Variants in ZMYM4 observed in about 807,000 individuals in gnomAD.
The protein encoded by ZMYM4 is zinc finger MYM-type containing 4.
A neutral mutation model predicts 183.2 loss-of-function variants in ZMYM4; 31 were observed. That is an observed-to-expected ratio of 0.17 (90% CI 0.13 to 0.23). The LOEUF is 0.23. Ranked by LOEUF, ZMYM4 falls within the 10% of genes least tolerant of loss-of-function variation. The pLI is 1.00. For missense variants in ZMYM4, 1,273 were observed against 1,840.3 expected (o/e 0.69, Z 5.64); for synonymous variants, 592 against 631.2 (o/e 0.94, Z 0.93).
intron 29 of ZMYM4, 50 bp downstream of exon 29, chr1:35,418,622 A>G (rs1409976223): frequency 1.9e-6 from 3 of 1,599,704 alleles, no homozygotes; most frequent in South Asian, 2.3e-5. Flanking sequence ...CAGTTAACAT[A>G]TTTTGGATTT....
chr1:35,338,789 T>TA (rs1432869691), intron 2 of ZMYM4, among the ~76,000 whole-genome samples: 1 of 152,254 alleles, frequency 6.6e-6, no homozygotes, highest in East Asian at 1.9e-4. Flanking sequence ...ACGTTAAATC[T>TA]ATTACCCACT....
At chr1:35,276,771 C>T (rs1639899605) in intron 1 of ZMYM4, among the ~76,000 whole-genome samples, 1 of 152,072 alleles carries the variant, frequency 6.6e-6, no homozygotes, top group Non-Finnish European at 1.5e-5. Flanking sequence ...CCAGCCTTGG[C>T]TTATTTTGTG....
At chr1:35,412,217 G>T (rs1197308911) in intron 26 of ZMYM4, among the ~76,000 whole-genome samples, 4 of 152,026 alleles carry the variant, frequency 2.6e-5, no homozygotes, top group African/African-American at 9.7e-5. Flanking sequence ...TTCATTGCTA[G>T]CTTGAAATAC....
chr1:35,398,737 T>C, intron 21 of ZMYM4, 127 bp from the exon 22 acceptor site: 1 of 945,008 alleles, frequency 1.1e-6, no homozygotes, highest in South Asian at 1.8e-5. Context: ...CATTCTTGAG[T>C]GTACCTAGGT....
chr1:35,386,160 T>A lies in ZMYM4; in HGVS notation c.1807T>A (p.Cys603Ser). 6.2e-7 allele frequency: 1 copy of A among 1,613,928 alleles called. No individual in the cohort carries two copies. The highest frequency in any genetic ancestry group is 8.5e-7 in the Non-Finnish European group (1 of 1,179,892). Residue 603 changes from cysteine to serine, a missense_variant, in exon 11 of 30, where the codon TGC becomes AGC. Cys to Ser is a moderately radical substitution (Grantham distance 112). Coordinates refer to ENST00000314607, the MANE Select transcript of ZMYM4 (RefSeq NM_005095.3). ...AMSDGSIRNF[C>S]SYSCVVAFQN... ...GTCAGATGGAAGTATACGCAACTTC[T>A]GCAGCTACAGCTGTGTGGTAGCTTT...
chr1:35,412,167 C>T (rs1639940237), intron 26 of ZMYM4, among the ~76,000 whole-genome samples: 1 of 151,476 alleles, frequency 6.6e-6, no homozygotes, highest in South Asian at 2.1e-4. Context: ...GCATGAGCCA[C>T]CGCACCTGGC....
Position 35,415,384 on chromosome 1 carries a change from C to T in ZMYM4, c.4061-82C>T, listed in dbSNP as rs1640074500. 3.9e-6 allele frequency: 6 copies of T among 1,553,598 alleles called. No individual in the cohort carries two copies. In the South Asian group the frequency reaches 7.2e-5, roughly 19 times the overall value. ...ATAGTCAGTTTTTCTCTTTATATCT[C>T]CCTGTCTTAGAATTTGAGAGATTAC... On this transcript the variant is annotated intron_variant, in intron 27 of 29. Transcript: ENST00000314607.
intron 1 of ZMYM4, among the ~76,000 whole-genome samples, chr1:35,297,586 A>G (rs907245290): frequency 6.6e-6 from 1 of 152,158 alleles, no homozygotes; most frequent in Admixed American, 6.5e-5. Context: ...TATTTTCATC[A>G]GAAATGCAGA....
Position 35,408,264 on chromosome 1 carries a change from A to G in ZMYM4, c.3948+105A>G, listed in dbSNP as rs1352230062. ...TGTACACACCCAGATATATACTGGT[A>G]TTTTCATTGGAACATTGTTTTTAAC... On this transcript the variant is annotated intron_variant, in intron 26 of 29. Transcript: ENST00000314607. 3 of 1,323,744 alleles carry G rather than the reference A, an allele frequency of 2.3e-6. No individual in the cohort carries two copies. In the Admixed American group the frequency reaches 7.3e-5, roughly 32 times the overall value. The allele number at this position is 1,323,744 out of a possible 1,614,324, so 82.0% of individuals were successfully genotyped here.
rs1281421521 is a variant in ZMYM4 at position 35,420,741 on chromosome 1, C to G, written c.*1064C>G. The G allele has an allele frequency of 6.6e-6, 1 of 152,588 alleles. No individual in the cohort carries two copies. The highest frequency in any genetic ancestry group is 6.5e-5 in the Admixed American group (1 of 15,276). 9.5% of individuals were successfully genotyped at this position (152,588 alleles called of 1,614,324 possible). A position where few individuals can be genotyped will look rare whatever the true frequency, so the allele number is the denominator to read the frequency against. On this transcript the variant is annotated 3_prime_UTR_variant, in exon 30 of 30. Coordinates refer to ENST00000314607, the MANE Select transcript of ZMYM4 (RefSeq NM_005095.3). ...TCCACAAAGATACAGTATTACTTAGCTATCTGAATTATGATAGAAAAGGTC... is the reference window on the plus strand; with the variant it reads ...TCCACAAAGATACAGTATTACTTAGGTATCTGAATTATGATAGAAAAGGTC...
intron 1 of ZMYM4, among the ~76,000 whole-genome samples, chr1:35,281,863 C>A (rs1049883040): frequency 2.6e-5 from 4 of 152,124 alleles, no homozygotes; most frequent in African/African-American, 9.7e-5. Flanking sequence ...CTTTCTGTGT[C>A]TATGAAGTTG....
chr1:35,418,060 A>G (rs929624569), intron 28 of ZMYM4, among the ~76,000 whole-genome samples: 1 of 152,132 alleles, frequency 6.6e-6, no homozygotes, highest in African/African-American at 2.4e-5. Flanking sequence ...CTGTAGGAGA[A>G]AAACATGTGG....
chr1:35,410,105 A>G (rs982104199), intron 26 of ZMYM4, among the ~76,000 whole-genome samples: 5 of 152,150 alleles, frequency 3.3e-5, no homozygotes, highest in African/African-American at 1.2e-4. Context: ...TCATGGCAAG[A>G]GAGTGAGGAC....
rs1472257531 is a variant in ZMYM4 at position 35,303,102 on chromosome 1, A to C, written c.40-22258A>C. Among the ~76,000 whole-genome samples the C allele has an allele frequency of 3.3e-5, 5 of 151,524 alleles. No individual in the cohort carries two copies. In the East Asian group the frequency reaches 7.8e-4, roughly 24 times the overall value. ...CCAACCTGGGAAACCTGGCAAAAAA[A>C]AAAAAACAAAAAAACCTTGTCTTTG... On this transcript the variant is annotated intron_variant, in intron 1 of 29. Coordinates refer to ENST00000314607, the MANE Select transcript of ZMYM4 (RefSeq NM_005095.3).
chr1:35,324,176 C>G (rs1642410529), intron 1 of ZMYM4, among the ~76,000 whole-genome samples: 1 of 151,442 alleles, frequency 6.6e-6, no homozygotes, highest in Non-Finnish European at 1.5e-5. Context: ...TTTCTGTTAT[C>G]CCTTTCACCA....
At chr1:35,346,544 A>T (rs1197520309) in intron 2 of ZMYM4, among the ~76,000 whole-genome samples, 2 of 148,988 alleles carry the variant, frequency 1.3e-5, no homozygotes, top group African/African-American at 5.0e-5. Flanking sequence ...CCAGCTACTG[A>T]GGGAGCTGAG....
At position 35,361,798 on chromosome 1, in the gene ZMYM4, T is replaced by A; in HGVS notation, c.840+9T>A. 1 of 1,593,268 alleles carries A rather than the reference T, an allele frequency of 6.3e-7. No homozygotes were observed. The highest frequency in any genetic ancestry group is 1.4e-5 in the African/African-American group (1 of 73,590). ...AACCTGACAATGCTCAAGTAAACAT[T>A]TCACCTTTTTTCCCCCCTTCTTTTT... On this transcript the variant is annotated intron_variant, in intron 5 of 29. Coordinates refer to ENST00000314607, the MANE Select transcript of ZMYM4 (RefSeq NM_005095.3).
chr1:35,418,600 G>C, intron 29 of ZMYM4, 28 bp downstream of exon 29: 1 of 1,610,260 alleles, frequency 6.2e-7, no homozygotes, highest in Non-Finnish European at 8.5e-7. Flanking sequence ...TGAATGTAGT[G>C]CACTCAGAAG....
rs1644723617 is a variant in ZMYM4, at chr1:35,392,288, T to G, written c.2664T>G (p.Asn888Lys). Residue 888 changes from asparagine to lysine, a missense_variant, in exon 16 of 30, where the codon AAT becomes AAG. By Grantham distance (94) the Asn-to-Lys change is moderately conservative. This residue lies in a region of ZMYM4 where 290 missense variants were observed against 353.3 expected (regional missense o/e 0.82). Transcript: ENST00000314607. Reference sequence around the variant, plus strand: ...AAGATTCGACTCCAGTTATAGCCAATGTAGTATCATTGGCAAGTGCCCCTG... The same window carrying G: ...AAGATTCGACTCCAGTTATAGCCAAGGTAGTATCATTGGCAAGTGCCCCTG... ...LRKDSTPVIA[N>K]VVSLASAPAA... 2 of 1,614,210 alleles carry G rather than the reference T, an allele frequency of 1.2e-6. No homozygotes were observed. The highest frequency in any genetic ancestry group is 1.7e-6 in the Non-Finnish European group (2 of 1,180,036).
Sources: allele counts gnomAD v4.1 joint callset (sites outside exome capture counted in the v4.1 genomes callset), GRCh38; gene constraint gnomAD v4.1.1; regional missense constraint gnomAD v4.1.1; transcripts MANE v1.5; gene names NCBI Gene and HGNC (gene_info 2026-07-23, HGNC 2026-07-21).